STK10: variants seen among roughly 807,000 people sequenced by gnomAD.
The protein encoded by STK10 is serine/threonine kinase 10.
In STK10, 78 loss-of-function variants were observed where a neutral mutation model predicts 113.8. That is an observed-to-expected ratio of 0.69 (90% confidence interval 0.57 to 0.83). The LOEUF (loss-of-function observed/expected upper bound fraction) is 0.83. Ranked by LOEUF, STK10 falls within the 40% of genes least tolerant of loss-of-function variation. STK10 has a pLI of 0.00. For missense variants in STK10, 1,109 were observed against 1,280.1 expected, an observed-to-expected ratio of 0.87 and a Z score of 2.04; for synonymous variants, 465 against 494.7, an observed-to-expected ratio of 0.94 and a Z score of 0.80.
Position 172,083,066 on chromosome 5 carries a change from C to T in STK10, c.1704G>A (p.Glu568=), listed in dbSNP as rs1309048953. The change falls in exon 11 of 19, where the codon GAG becomes GAA. Residue 568 remains glutamate, a synonymous_variant. Transcript: ENST00000176763. ...GCTCTTCTTTCTGGAGCAGCCGAAG[C>T]TCTCGGAGTTCCTGGCGCCTGAAAG... ...MRFLRRQELR[E]LRLLQKEEHR... The T allele has an allele frequency of 6.2e-7, 1 of 1,614,166 alleles. No homozygotes were observed.
chr5:172,097,097 T>C (rs1768872753), intron 7 of STK10, among the ~76,000 whole-genome samples: 1 of 152,220 alleles, frequency 6.6e-6, no homozygotes. Context: ...GGAAGGCAGT[T>C]GCGCAATCTT....
At chr5:172,075,024 A>G (rs977894719) in intron 12 of STK10, among the ~76,000 whole-genome samples, 20 of 151,870 alleles carry the variant, frequency 1.3e-4, no homozygotes, top group African/African-American at 4.8e-4. Flanking sequence ...CATTAAAAAA[A>G]AAAAAAATTA....
intron 1 of STK10, among the ~76,000 whole-genome samples, chr5:172,165,634 G>A (rs200284126): frequency 1.9e-4 from 4 of 21,324 alleles, no homozygotes; most frequent in African/African-American, 5.5e-4. Context: ...ACCCTGGGCC[G>A]GGGCATACCC....
chr5:172,188,165 C>T lies in STK10; in HGVS notation c.-123G>A, dbSNP rs1319458337. The T allele has an allele frequency of 7.0e-7, 1 of 1,437,038 alleles. No homozygotes were observed. The highest frequency in any genetic ancestry group is 9.2e-7 in the Non-Finnish European group (1 of 1,088,506). The allele number at this position is 1,437,038 out of a possible 1,614,324, so 89.0% of individuals were successfully genotyped here. On this transcript the variant is annotated 5_prime_UTR_variant, in exon 1 of 19. Coordinates refer to ENST00000176763, the MANE Select transcript of STK10 (RefSeq NM_005990.4). The surrounding 1 kb of genome is among the most constrained non-coding windows in gnomAD (Gnocchi z 5.6). ...CGTCTCTCGGGGTTCTCCCCAGACC[C>T]GCCTTTCCCCGCAGCCCGACCTCGG... is the stretch of plus-strand genomic sequence containing the variant.
chr5:172,143,229 G>C (rs1770014016), intron 2 of STK10, among the ~76,000 whole-genome samples: 1 of 152,172 alleles, frequency 6.6e-6, no homozygotes, highest in Non-Finnish European at 1.5e-5. Flanking sequence ...AGCCAGGTGT[G>C]GTGGCACATG....
chr5:172,072,274 C>CT lies in STK10; in HGVS notation c.1990-7463dup, dbSNP rs915267816. Reference sequence around the variant, plus strand: ...TAAAAAATTTTTTTTCTTTTCTTTTCTTTTTTTTTTGAGATGGAGTCTTGC... The same window carrying CT: ...TAAAAAATTTTTTTTCTTTTCTTTTCTTTTTTTTTTTGAGATGGAGTCTTGC... On this transcript the variant is annotated intron_variant, in intron 12 of 18. Coordinates refer to ENST00000176763, the MANE Select transcript of STK10 (RefSeq NM_005990.4). Among the ~76,000 whole-genome samples the CT allele has an allele frequency of 9.7e-5, 13 of 134,184 alleles. No individual in the cohort carries two copies. In the East Asian group the frequency reaches 9.9e-4, roughly 10 times the overall value. The allele number at this position is 134,184 out of a possible 152,430, so 88.0% of individuals were successfully genotyped here. A position where few individuals can be genotyped will look rare whatever the true frequency, so the allele number is the denominator to read the frequency against.
At chr5:172,045,063 C>A in intron 18 of STK10, 41 bp from the exon 19 acceptor site, 1 of 1,607,604 alleles carries the variant, frequency 6.2e-7, no homozygotes, top group Non-Finnish European at 8.5e-7. Flanking sequence ...GTGAGATCTG[C>A]AGGCCACACG....
At chr5:172,116,573 G>C (rs1467387478) in intron 4 of STK10, among the ~76,000 whole-genome samples, 1 of 152,010 alleles carries the variant, frequency 6.6e-6, no homozygotes, top group Non-Finnish European at 1.5e-5. Flanking sequence ...GACATTTAAA[G>C]AAGAAGGTTT....
intron 2 of STK10, among the ~76,000 whole-genome samples, chr5:172,141,887 C>T (rs79785788): frequency 2.6e-5 from 4 of 152,316 alleles, no homozygotes; most frequent in Non-Finnish European, 5.9e-5. Flanking sequence ...GAGCAGCTGT[C>T]GTGGTGCCGT....
chr5:172,112,708 T>C (rs1262613186), intron 4 of STK10, among the ~76,000 whole-genome samples: 1 of 150,068 alleles, frequency 6.7e-6, no homozygotes. Flanking sequence ...TGTGAGCCAC[T>C]GCACCCGGCC....
chr5:172,064,895 G>A (rs1768035602), intron 12 of STK10, 83 bp from the exon 13 acceptor site: 3 of 1,483,688 alleles, frequency 2.0e-6, no homozygotes, highest in Non-Finnish European at 1.9e-6. Context: ...AGAACCCCCG[G>A]GCCAGAGAAA....
chr5:172,163,545 G>A (rs7736797), intron 1 of STK10, among the ~76,000 whole-genome samples: 3 of 152,040 alleles, frequency 2.0e-5, no homozygotes, highest in South Asian at 2.1e-4. Context: ...CCTTGGTGCC[G>A]GTTTCCCAAG....
intron 2 of STK10, among the ~76,000 whole-genome samples, chr5:172,150,243 G>A (rs767661956): frequency 6.6e-6 from 1 of 151,788 alleles, no homozygotes; most frequent in Non-Finnish European, 1.5e-5. Flanking sequence ...CACTTTGGGA[G>A]GCTGAGGAGG....
intron 12 of STK10, among the ~76,000 whole-genome samples, chr5:172,071,212 C>CAAAAAAAAAAAA (rs369407918): frequency 1.1e-4 from 3 of 26,598 alleles, no homozygotes; most frequent in Non-Finnish European, 1.6e-4. Flanking sequence ...CTCTCTATCT[C>CAAAAAAAAAAAA]AAAAAAAAAA....
intron 2 of STK10, among the ~76,000 whole-genome samples, chr5:172,134,780 G>T (rs140323564): frequency 6.6e-6 from 1 of 150,514 alleles, no homozygotes; most frequent in Non-Finnish European, 1.5e-5. Flanking sequence ...TTTCATTAGC[G>T]GGGTATGGTG....
intron 2 of STK10, among the ~76,000 whole-genome samples, chr5:172,145,579 G>C (rs774732616): frequency 1.3e-4 from 20 of 152,204 alleles, no homozygotes; most frequent in Non-Finnish European, 2.8e-4. Context: ...ATTAGTCAAG[G>C]GACATATGTC....
intron 3 of STK10, among the ~76,000 whole-genome samples, chr5:172,121,544 C>T (rs945357915): frequency 4.0e-5 from 6 of 151,816 alleles, no homozygotes; most frequent in Non-Finnish European, 7.4e-5. Flanking sequence ...CGGTGGCTCA[C>T]GCCTGTAATC....
At chr5:172,110,013 G>A (rs1411825278) in intron 4 of STK10, among the ~76,000 whole-genome samples, 5 of 152,216 alleles carry the variant, frequency 3.3e-5, no homozygotes, top group African/African-American at 4.8e-5. Context: ...GCCTGAATAC[G>A]GGAGAACTTG....
chr5:172,114,205 T>C (rs1417963358), intron 4 of STK10, among the ~76,000 whole-genome samples: 1 of 151,638 alleles, frequency 6.6e-6, no homozygotes, highest in African/African-American at 2.4e-5. Flanking sequence ...AGAGTGGTGG[T>C]TTATTCTGGC....
Sources: gnomAD v4.1 joint callset for allele counts (sites outside exome capture counted in the v4.1 genomes callset) on GRCh38, gnomAD v4.1.1 for gene constraint, Gnocchi (gnomAD v3.1) non-coding constraint, MANE v1.5 for transcripts, NCBI Gene and HGNC (gene_info 2026-07-23, HGNC 2026-07-21) for gene names.